Variants in SERPINB10 observed in about 807,000 individuals in gnomAD.
SERPINB10 encodes serpin B10.
Under a neutral mutation model 39.1 loss-of-function variants are expected in SERPINB10, and 35 were observed. The ratio of observed to expected loss-of-function variants is 0.90; its 90% confidence interval spans 0.68 to 1.19. The LOEUF (loss-of-function observed/expected upper bound fraction) is 1.19. SERPINB10 is among the 50% of genes most tolerant of loss of function. The pLI, the probability that SERPINB10 is intolerant of heterozygous loss-of-function variation, is 0.00. For missense variants in SERPINB10, 546 were observed against 460.5 expected, an observed-to-expected ratio of 1.19 and a Z score of -1.70; for synonymous variants, 190 against 158.1, an observed-to-expected ratio of 1.20 and a Z score of -1.52.
At chr18:63,919,170 T>G (rs959623302) in intron 4 of SERPINB10, among the ~76,000 whole-genome samples, 7 of 151,078 alleles carry the variant, frequency 4.6e-5, no homozygotes. Flanking sequence ...GCAAACTCAG[T>G]CATAGCCTAC....
At chr18:63,929,676 T>C (rs73480040) in intron 5 of SERPINB10, among the ~76,000 whole-genome samples, 6,728 of 135,680 alleles carry the variant, frequency 0.05, 520 homozygotes, top group African/African-American at 0.17. Context: ...CAAGTAGTTG[T>C]AATTTTCTGG....
In SERPINB10 at chr18:63,935,378, T is replaced by C. The variant is rs1183590375; in HGVS notation, c.*136T>C. The C allele has an allele frequency of 1.2e-6, 1 of 826,424 alleles. No homozygotes were observed. The highest frequency in any genetic ancestry group is 1.9e-6 in the Non-Finnish European group (1 of 537,124). The allele number at this position is 826,424 out of a possible 1,614,324, so 51.2% of individuals were successfully genotyped here. ...CATTTGAATATAAGTAAATAGATCTTGAAATAATGCATTCTAATGATCCTG... is the reference window on the plus strand; with the variant it reads ...CATTTGAATATAAGTAAATAGATCTCGAAATAATGCATTCTAATGATCCTG... On this transcript the variant is annotated 3_prime_UTR_variant, in exon 8 of 8. Coordinates refer to ENST00000238508, the MANE Select transcript of SERPINB10 (RefSeq NM_005024.3).
intron 1 of SERPINB10, among the ~76,000 whole-genome samples, chr18:63,914,899 T>G (rs1222075101): frequency 1.3e-5 from 2 of 152,064 alleles, no homozygotes; most frequent in Non-Finnish European, 1.5e-5. Flanking sequence ...AAGACTAGTT[T>G]CAGAGGGTCT....
rs1355781948 is a variant in SERPINB10 at position 63,934,805 on chromosome 18, C to A, written c.790-33C>A. On this transcript the variant is annotated intron_variant, in intron 7 of 7. Coordinates refer to ENST00000238508, the MANE Select transcript of SERPINB10 (RefSeq NM_005024.3). The stretch of plus-strand genomic sequence containing the variant: ...TGTTTTTCATTCCACTTTGGAATTA[C>A]TGATTCTTTCTTTCTTGGTTCCAAA... 6 of 1,561,290 alleles carry A rather than the reference C, an allele frequency of 3.8e-6. No individual in the cohort carries two copies. The African/African-American group carries it at 5.5e-5, about 14-fold the overall frequency.
In SERPINB10 at chr18:63,935,001, G is replaced by GCAAAGCTGATTTCT; in HGVS notation, c.956_969dup (p.Gly324LysfsTer26). ...GGGATGAGTGATGCCTTCAGCCAAA[G>GCAAAGCTGATTTCT]CAAAGCTGATTTCTCAGGAATGTCT... On this transcript the variant is annotated frameshift_variant, in exon 8 of 8. Coordinates refer to ENST00000238508, the MANE Select transcript of SERPINB10 (RefSeq NM_005024.3). LOFTEE classifies it high-confidence loss of function. 6.2e-7 allele frequency: 1 copy of GCAAAGCTGATTTCT among 1,614,208 alleles called. No homozygotes were observed. The highest frequency in any genetic ancestry group is 8.5e-7 in the Non-Finnish European group (1 of 1,180,030).
chr18:63,931,215 A>T (rs1544898), intron 6 of SERPINB10, among the ~76,000 whole-genome samples: 62,675 of 152,020 alleles, frequency 0.41, 15,797 homozygotes, highest in African/African-American at 0.71. Flanking sequence ...GAGTCTCAAC[A>T]CATAATCCCA....
Position 63,915,641 on chromosome 18 carries a change from T to C in SERPINB10, c.131T>C (p.Leu44Ser). The C allele has an allele frequency of 6.2e-7, 1 of 1,612,250 alleles. No homozygotes were observed. The highest frequency in any genetic ancestry group is 1.7e-5 in the Admixed American group (1 of 59,804). The change falls in exon 2 of 8, where the codon TTG becomes TCG. Residue 44 changes from leucine (L) to serine (S), a missense_variant. Physicochemically the swap from Leu to Ser is moderately radical, Grantham distance 145. Transcript: ENST00000238508. ...SISTSLTIVY[L>S]GAKGTTAAQM... ...TCAACTTCCTTGACCATAGTGTATTTGGGCGCCAAAGGTACCACTGCAGCC... is the reference window on the plus strand; with the variant it reads ...TCAACTTCCTTGACCATAGTGTATTCGGGCGCCAAAGGTACCACTGCAGCC...
chr18:63,933,216 A>C lies in SERPINB10; in HGVS notation c.789+13A>C, dbSNP rs768839484. Reference sequence around the variant, plus strand: ...TGGGCTGGAACAGGTAAATAACATCAGTGTGTCTGATGTGAGGGTGTTTCC... The same window carrying C: ...TGGGCTGGAACAGGTAAATAACATCCGTGTGTCTGATGTGAGGGTGTTTCC... On this transcript the variant is annotated intron_variant, in intron 7 of 7. Transcript: ENST00000238508. The C allele has an allele frequency of 1.5e-5, 24 of 1,613,516 alleles. No homozygotes were observed. The highest frequency in any genetic ancestry group is 1.4e-5 in the Non-Finnish European group (16 of 1,179,756).
rs182725286 is a variant in SERPINB10, at chr18:63,934,345, T to C, written c.790-493T>C. On this transcript the variant is annotated intron_variant, in intron 7 of 7. Transcript: ENST00000238508. The stretch of plus-strand genomic sequence containing the variant: ...ACTTTTGAGATTTGGAGGATTTTCT[T>C]ATCTTTTCTTTCTTTTTTGACTTAG... Among the ~76,000 whole-genome samples, 1,353 of 150,266 alleles carry C rather than the reference T, an allele frequency of 9.0e-3. 12 individuals carry two copies. The highest frequency in any genetic ancestry group is 0.016 in the South Asian group (79 of 4,828).
chr18:63,915,350 A>G (rs1225773557), intron 1 of SERPINB10, among the ~76,000 whole-genome samples, 152 bp from the exon 2 acceptor site: 1 of 152,110 alleles, frequency 6.6e-6, no homozygotes, highest in African/African-American at 2.4e-5. Flanking sequence ...AATATATAAA[A>G]TACTATTATT....
intron 2 of SERPINB10, among the ~76,000 whole-genome samples, chr18:63,916,748 T>C (rs1317798783): frequency 6.6e-6 from 1 of 152,072 alleles, no homozygotes; most frequent in East Asian, 1.9e-4. Flanking sequence ...CACTTTTAGT[T>C]GCAAATGGGC....
At chr18:63,913,681 A>G (rs2144719597) in intron 1 of SERPINB10, among the ~76,000 whole-genome samples, 1 of 152,094 alleles carries the variant, frequency 6.6e-6, no homozygotes, top group Non-Finnish European at 1.5e-5. Context: ...GACTTGCTTT[A>G]TGGCTGAGCA....
chr18:63,929,102 A>G (rs2050201046), intron 5 of SERPINB10, among the ~76,000 whole-genome samples: 1 of 152,066 alleles, frequency 6.6e-6, no homozygotes, highest in Non-Finnish European at 1.5e-5. Flanking sequence ...AGAGAGTCCT[A>G]CAGAAAGTCT....
intron 5 of SERPINB10, among the ~76,000 whole-genome samples, chr18:63,927,928 G>A (rs1197633190): frequency 6.6e-6 from 1 of 151,962 alleles, no homozygotes; most frequent in African/African-American, 2.4e-5. Flanking sequence ...TTTCTATTTT[G>A]TGCTTTGAAA....
rs181081116 is a variant in SERPINB10, at chr18:63,914,752, G to T, written c.-9-750G>T. Among the ~76,000 whole-genome samples, 765 of 152,078 alleles carry T rather than the reference G, an allele frequency of 5.0e-3. 8 individuals are homozygous for T. The highest frequency in any genetic ancestry group is 0.018 in the African/African-American group (742 of 41,518). ...TGGTGCACATTTGCTGTGGATTGGG[G>T]CACCTGTCATTTTCAGGCCAGGTAC... On this transcript the variant is annotated intron_variant, in intron 1 of 7. Coordinates refer to ENST00000238508, the MANE Select transcript of SERPINB10 (RefSeq NM_005024.3).
intron 1 of SERPINB10, among the ~76,000 whole-genome samples, chr18:63,913,547 A>G (rs2050080200): frequency 6.6e-6 from 1 of 152,016 alleles, no homozygotes; most frequent in South Asian, 2.1e-4. Context: ...ATTCAGTAGC[A>G]CGTTGTTTAA....
Position 63,934,879 on chromosome 18 carries a change from C to G in SERPINB10, c.831C>G (p.Thr277=), listed in dbSNP as rs149018812. 193 of 1,613,016 alleles carry G rather than the reference C, an allele frequency of 1.2e-4. No individual in the cohort carries two copies. In the African/African-American group the frequency reaches 2.0e-3, roughly 17 times the overall value. ...AITYEKLNEW[T]SADMMELYEV... The stretch of plus-strand genomic sequence containing the variant: ...CCTATGAGAAGCTGAATGAGTGGAC[C>G]AGTGCAGACATGATGGAGTTGTATG... The change falls in exon 8 of 8, where the codon ACC becomes ACG. Residue 277 remains threonine (T), a synonymous_variant. Coordinates refer to ENST00000238508, the MANE Select transcript of SERPINB10 (RefSeq NM_005024.3).
chr18:63,913,126 A>T (rs555247022), intron 1 of SERPINB10, among the ~76,000 whole-genome samples: 1 of 151,604 alleles, frequency 6.6e-6, no homozygotes, highest in Admixed American at 6.6e-5. Flanking sequence ...TTGTAATGTC[A>T]CTTTTGTTAT....
chr18:63,923,978 G>A (rs539240859), intron 5 of SERPINB10, among the ~76,000 whole-genome samples: 5 of 151,912 alleles, frequency 3.3e-5, no homozygotes, highest in African/African-American at 1.2e-4. Context: ...ATGGTTATTG[G>A]TTATTTCTTT....
Sources: gnomAD v4.1 joint callset for allele counts (sites outside exome capture counted in the v4.1 genomes callset) on GRCh38, gnomAD v4.1.1 for gene constraint, MANE v1.5 for transcripts, NCBI Gene and HGNC (gene_info 2026-07-23, HGNC 2026-07-21) for gene names.